The following RUFY2 variants were observed in gnomAD, a reference collection of about 807,000 sequenced individuals.
The protein encoded by RUFY2 is RUN and FYVE domain containing 2.
RUFY2 carries 49 observed loss-of-function variants against 94.4 expected under a neutral mutation model. The ratio of observed to expected loss-of-function variants is 0.52; its 90% CI spans 0.41 to 0.66. The LOEUF is 0.66. Ranked by LOEUF, RUFY2 falls within the 30% of genes least tolerant of loss-of-function variation. RUFY2 has a pLI of 0.00. For missense variants in RUFY2, 541 were observed against 692.8 expected (o/e 0.78, Z 2.46); for synonymous variants, 255 against 235.7 (o/e 1.08, Z -0.75).
At chr10:68,381,428 A>C (rs1229554261) in intron 10 of RUFY2, 29 bp from the exon 11 acceptor site, 1 of 1,590,136 alleles carries the variant, frequency 6.3e-7, no homozygotes, top group Non-Finnish European at 8.6e-7. Context: ...CTCAATTCAC[A>C]TGCCACTTCA....
intron 6 of RUFY2, chr10:68,393,747 T>G (rs1239606609): frequency 6.8e-6 from 2 of 292,402 alleles, no homozygotes; most frequent in Non-Finnish European, 1.3e-5. Context: ...AAAAACATAG[T>G]TCGATCTTGA....
At chr10:68,385,617 ATTATACT>A (rs765273491) in intron 8 of RUFY2, among the ~76,000 whole-genome samples, 9 of 151,772 alleles carry the variant, frequency 5.9e-5, no homozygotes, top group African/African-American at 9.7e-5. Context: ...TTTTTTTTGT[ATTATACT>A]TTAAATTCTG....
intron 9 of RUFY2, 35 bp from the exon 10 acceptor site, chr10:68,383,949 A>G (rs2049285936): frequency 6.3e-7 from 1 of 1,576,736 alleles, no homozygotes; most frequent in Non-Finnish European, 8.7e-7. Context: ...TTCTATAATC[A>G]CTACTATTAA....
At chr10:68,400,319 A>G (rs2050717570) in intron 3 of RUFY2, among the ~76,000 whole-genome samples, 3 of 151,878 alleles carry the variant, frequency 2.0e-5, no homozygotes, top group Admixed American at 2.0e-4. Context: ...GTCCGTCTCA[A>G]AATAAAATAA....
chr10:68,342,111 T>G, downstream of RUFY2: 1 of 1,198,842 alleles, frequency 8.3e-7, no homozygotes, highest in African/African-American at 1.5e-5. Flanking sequence ...CTAGACTTTC[T>G]TACAGATTTA....
intron 3 of RUFY2, among the ~76,000 whole-genome samples, chr10:68,398,697 CT>C (rs879829483): frequency 4.4e-4 from 64 of 146,660 alleles, no homozygotes; most frequent in East Asian, 2.2e-3. Context: ...TTTTATACCA[CT>C]TTTTTTTTTT....
chr10:68,346,665 G>A (rs2046297045), intron 16 of RUFY2: 1 of 152,200 alleles, frequency 6.6e-6, no homozygotes, highest in South Asian at 2.1e-4. Flanking sequence ...TGGGTACATA[G>A]TAGTTACATA....
At chr10:68,382,619 CA>C (rs1466724481) in intron 10 of RUFY2, among the ~76,000 whole-genome samples, 1 of 149,088 alleles carries the variant, frequency 6.7e-6, no homozygotes, top group African/African-American at 2.5e-5. Context: ...GAGGCTGAGG[CA>C]GGAGAATGGC....
chr10:68,359,011 C>G (rs1297670651), intron 15 of RUFY2, among the ~76,000 whole-genome samples: 2 of 152,144 alleles, frequency 1.3e-5, no homozygotes, highest in Non-Finnish European at 1.5e-5. Flanking sequence ...AAGACGGCCT[C>G]TCTATGATAC....
rs373845620 is a variant in RUFY2 at position 68,376,838 on chromosome 10, G to T, written c.1325+15C>A. Reference sequence around the variant, plus strand: ...TGTTAACACAAGTATTTGTTTCTGAGAGTGAAATACTCACAGCTGTTTCTC... The same window carrying T: ...TGTTAACACAAGTATTTGTTTCTGATAGTGAAATACTCACAGCTGTTTCTC... On this transcript the variant is annotated intron_variant, in intron 13 of 17. Transcript: ENST00000602465. 1.2e-6 allele frequency: 2 copies of T among 1,611,008 alleles called. No homozygotes were observed. The highest frequency in any genetic ancestry group is 2.7e-5 in the African/African-American group (2 of 74,800).
chr10:68,341,937 G>C (rs774228117), downstream of RUFY2: 2 of 1,602,512 alleles, frequency 1.2e-6, no homozygotes, highest in Non-Finnish European at 1.7e-6. Flanking sequence ...ATTTTATGCA[G>C]ATATCTCCTG....
At chr10:68,379,592 T>C in intron 11 of RUFY2, 71 bp from the exon 12 acceptor site, 3 of 1,070,078 alleles carry the variant, frequency 2.8e-6, no homozygotes, top group Non-Finnish European at 4.1e-6. Flanking sequence ...TGTGTGTGCG[T>C]GTTTTTAATA....
At chr10:68,406,034 T>C (rs1336286382) in intron 1 of RUFY2, among the ~76,000 whole-genome samples, 1 of 152,220 alleles carries the variant, frequency 6.6e-6, no homozygotes, top group Non-Finnish European at 1.5e-5. Context: ...TCATCACTGT[T>C]GTGACTGGTG....
Position 68,379,423 on chromosome 10 carries a change from C to T in RUFY2, c.1205+1G>A. On this transcript the variant is annotated splice_donor_variant, in intron 12 of 17. Transcript: ENST00000602465. LOFTEE classifies it high-confidence loss of function. ...AGAAACTAAGACTGGAAATGCTGTA[C>T]CTTTGTTCCAGCTGCCTCATGGCTG... 1 of 1,593,440 alleles carries T rather than the reference C, an allele frequency of 6.3e-7. No homozygotes were observed. Among genetic ancestry groups the T allele is most frequent in the Non-Finnish European group, 8.6e-7 (1 of 1,168,886 alleles).
chr10:68,396,168 T>A (rs2050379674), intron 4 of RUFY2, among the ~76,000 whole-genome samples: 1 of 152,136 alleles, frequency 6.6e-6, no homozygotes, highest in Admixed American at 6.5e-5. Flanking sequence ...CCAGCTAATT[T>A]TTGTGTTTTT....
chr10:68,383,967 T>C (rs573700405), intron 9 of RUFY2, 53 bp from the exon 10 acceptor site: 239 of 1,568,736 alleles, frequency 1.5e-4, no homozygotes, highest in Non-Finnish European at 2.0e-4. Context: ...TAATACAGCA[T>C]AGAAATACCT....
chr10:68,381,052 T>C (rs995845013), intron 11 of RUFY2, among the ~76,000 whole-genome samples, 180 bp downstream of exon 11: 3 of 152,190 alleles, frequency 2.0e-5, no homozygotes, highest in African/African-American at 7.2e-5. Flanking sequence ...ACAGGTGATA[T>C]TTTGTTTGTT....
At chr10:68,381,682 C>T (rs1431872592) in intron 10 of RUFY2, among the ~76,000 whole-genome samples, 1 of 151,964 alleles carries the variant, frequency 6.6e-6, no homozygotes, top group African/African-American at 2.4e-5. Flanking sequence ...CCGTCTCTAC[C>T]AAAAATATAC....
intron 4 of RUFY2, among the ~76,000 whole-genome samples, chr10:68,394,877 C>A (rs2050272580): frequency 6.6e-6 from 1 of 151,886 alleles, no homozygotes; most frequent in Non-Finnish European, 1.5e-5. Flanking sequence ...GGTCCGCGGG[C>A]CTCAGCATCC....
Sources: allele counts gnomAD v4.1 joint callset (sites outside exome capture counted in the v4.1 genomes callset), GRCh38; gene constraint gnomAD v4.1.1; transcripts MANE v1.5; gene names NCBI Gene and HGNC (gene_info 2026-07-23, HGNC 2026-07-21).